Variants in BEST3 observed in about 807,000 individuals in gnomAD.
The protein encoded by BEST3 is bestrophin 3.
BEST3 carries 50 observed loss-of-function variants against 47.1 expected under a neutral mutation model. That is an observed-to-expected ratio of 1.06 (90% CI 0.85 to 1.34). The LOEUF (loss-of-function observed/expected upper bound fraction) is 1.34. Ranked by LOEUF, BEST3 falls within the 40% of genes most tolerant of loss-of-function variation. The pLI is 0.00. For missense variants in BEST3, 765 were observed against 817.0 expected, an observed-to-expected ratio of 0.94 and a Z score of 0.78; for synonymous variants, 282 against 298.8, an observed-to-expected ratio of 0.94 and a Z score of 0.58.
chr12:69,660,549 T>C (rs1225016432), intron 9 of BEST3: 3 of 152,108 alleles, frequency 2.0e-5, no homozygotes, highest in Admixed American at 6.6e-5. Context: ...ATGGTGAAAA[T>C]TGTGGAGACA....
chr12:69,646,587 T>G (rs984837274), intron 9 of BEST3, among the ~76,000 whole-genome samples: 1 of 152,194 alleles, frequency 6.6e-6, no homozygotes, highest in African/African-American at 2.4e-5. Flanking sequence ...TCATTTCCAC[T>G]GTACCCATGA....
At chr12:69,645,222 G>T (rs1882994005) in intron 9 of BEST3, among the ~76,000 whole-genome samples, 1 of 152,194 alleles carries the variant, frequency 6.6e-6, no homozygotes, top group Admixed American at 6.5e-5. Flanking sequence ...ATCCGCTAGA[G>T]GATGGCTAAG....
chr12:69,697,676 A>C lies in BEST3; in HGVS notation c.123T>G (p.Val41=), dbSNP rs751986380. The C allele has an allele frequency of 2.7e-5, 43 of 1,608,256 alleles. 1 individual carries two copies. Among genetic ancestry groups the C allele is most frequent in the Non-Finnish European group, 3.4e-5 (40 of 1,177,478 alleles). ...ATACCAAACTTATTGCTGTATAAAG[A>C]ACAGCAAAAACAATAAATTCCCTGT... The part of the protein sequence containing the change: ...LLYREFIVFA[V]LYTAISLVYR... Residue 41 remains valine, a synonymous_variant, in exon 2 of 10, where the codon GTT becomes GTG. Transcript: ENST00000330891.
downstream of BEST3, among the ~76,000 whole-genome samples, chr12:69,651,773 C>G (rs1883216366): frequency 1.1e-5 from 1 of 91,730 alleles, no homozygotes. Flanking sequence ...GAGACTCTGT[C>G]TCAAAAAAAA....
At chr12:69,684,981 G>GTTCTATTCTATTCTATCCTATTCTA (rs1555208072) in intron 4 of BEST3, among the ~76,000 whole-genome samples, 1 of 142,092 alleles carries the variant, frequency 7.0e-6, no homozygotes, top group African/African-American at 2.6e-5. Flanking sequence ...GCTTTCTGCT[G>GTTCTATTCTATTCTATCCTATTCTA]TTCTATTCTA....
intron 4 of BEST3, among the ~76,000 whole-genome samples, chr12:69,689,803 C>T (rs1322124542): frequency 2.0e-5 from 3 of 152,186 alleles, no homozygotes; most frequent in African/African-American, 7.2e-5. Context: ...TATACAGTAG[C>T]CTCCCACCAG....
At chr12:69,662,330 G>A (rs563010049) in intron 9 of BEST3, among the ~76,000 whole-genome samples, 1 of 152,194 alleles carries the variant, frequency 6.6e-6, no homozygotes, top group African/African-American at 2.4e-5. Flanking sequence ...ATCAGACTAC[G>A]TATTTTCTTG....
At chr12:69,672,612 T>A (rs1271487165) in intron 8 of BEST3, among the ~76,000 whole-genome samples, 1 of 152,176 alleles carries the variant, frequency 6.6e-6, no homozygotes, top group African/African-American at 2.4e-5. Flanking sequence ...TGCTCTATGC[T>A]GAGATGAAAG....
intron 4 of BEST3, chr12:69,684,510 C>T: frequency 1.6e-6 from 1 of 610,248 alleles, no homozygotes; most frequent in East Asian, 2.8e-5. Context: ...TGTCTTTTGC[C>T]TTTCAAGCAG....
At chr12:69,663,442 C>T (rs1883989234) in intron 9 of BEST3, among the ~76,000 whole-genome samples, 1 of 152,214 alleles carries the variant, frequency 6.6e-6, no homozygotes, top group African/African-American at 2.4e-5. Context: ...GTGCATCTTA[C>T]ATACAATGTT....
intron 4 of BEST3, among the ~76,000 whole-genome samples, chr12:69,690,191 C>G (rs1194124144): frequency 6.6e-6 from 1 of 152,100 alleles, no homozygotes; most frequent in African/African-American, 2.4e-5. Flanking sequence ...GTGGATCACT[C>G]CTAGAGACTA....
chr12:69,695,781 TA>T (rs1933336364), intron 2 of BEST3, among the ~76,000 whole-genome samples: 1 of 152,142 alleles, frequency 6.6e-6, no homozygotes, highest in African/African-American at 2.4e-5. Context: ...TATCTATATA[TA>T]AGAGGCATTG....
In BEST3 at chr12:69,655,803, A is replaced by G. The variant is rs1883452015; in HGVS notation, c.1111T>C (p.Ser371Pro). The G allele has an allele frequency of 1.2e-6, 2 of 1,606,202 alleles. No individual in the cohort carries two copies. Among genetic ancestry groups the G allele is most frequent in the South Asian group, 1.1e-5 (1 of 90,718 alleles). The change falls in exon 10 of 10, where the codon TCC becomes CCC. Residue 371 changes from serine (S) to proline (P), a missense_variant. Transcript: ENST00000330891. ...GSTVQMGLSG[S>P]DFPDEEWLWD... ...AGCCACTCCTCGTCAGGAAAGTCGG[A>G]CCCAGACAGCCTGAAACACACAATG...
At chr12:69,671,667 G>T in intron 8 of BEST3, 88 bp from the exon 9 acceptor site, 3 of 1,221,032 alleles carry the variant, frequency 2.5e-6, no homozygotes, top group Non-Finnish European at 3.6e-6. Flanking sequence ...AGTTAGATTG[G>T]GCTAGGACAC....
chr12:69,648,459 G>T (rs1449884545), intron 9 of BEST3, among the ~76,000 whole-genome samples: 1 of 152,144 alleles, frequency 6.6e-6, no homozygotes, highest in Non-Finnish European at 1.5e-5. Context: ...ACAAGCAAAG[G>T]GCTTCATGTT....
At chr12:69,668,660 T>A (rs1217583819) in intron 9 of BEST3, among the ~76,000 whole-genome samples, 1 of 152,186 alleles carries the variant, frequency 6.6e-6, no homozygotes, top group East Asian at 1.9e-4. Context: ...GCACCCTGCT[T>A]TTTCTTGAGA....
At chr12:69,670,486 T>A (rs542122899) in intron 9 of BEST3, 2 of 702,890 alleles carry the variant, frequency 2.8e-6, no homozygotes, top group Non-Finnish European at 5.2e-6. Context: ...GTTTTCAGCC[T>A]CAGAGGCCCC....
chr12:69,668,694 A>G (rs1482492777), intron 9 of BEST3, among the ~76,000 whole-genome samples: 1 of 152,194 alleles, frequency 6.6e-6, no homozygotes, highest in Non-Finnish European at 1.5e-5. Context: ...ATATGGTTGG[A>G]CGGGGCTGAC....
chr12:69,653,259 G>C (rs1421488499), downstream of BEST3, among the ~76,000 whole-genome samples: 1 of 152,210 alleles, frequency 6.6e-6, no homozygotes, highest in Non-Finnish European at 1.5e-5. Flanking sequence ...GTAGACTTGA[G>C]CGGGGAGGAC....
Sources: gnomAD v4.1 joint callset for allele counts (sites outside exome capture counted in the v4.1 genomes callset) on GRCh38, gnomAD v4.1.1 for gene constraint, MANE v1.5 for transcripts, NCBI Gene and HGNC (gene_info 2026-07-23, HGNC 2026-07-21) for gene names.